FAP: variants seen among roughly 807,000 people sequenced by gnomAD.
FAP encodes fibroblast activation protein alpha.
A neutral mutation model predicts 126.5 loss-of-function variants in FAP; 110 were observed. That is an observed-to-expected ratio of 0.87 (90% CI 0.74 to 1.02). The LOEUF (loss-of-function observed/expected upper bound fraction) is 1.02. Among genes scored for constraint, FAP ranks in the 50% least tolerant of loss-of-function variants. FAP has a pLI of 0.00. For synonymous variants in FAP, 334 were observed against 297.3 expected (o/e 1.12, Z -1.27); for missense variants, 919 against 909.2 (o/e 1.01, Z -0.14).
chr2:162,189,050 C>T, intron 19 of FAP, 53 bp downstream of exon 19: 1 of 1,132,594 alleles, frequency 8.8e-7, no homozygotes, highest in East Asian at 2.4e-5. Flanking sequence ...ATGTGTATTT[C>T]ATCTAACATA....
At chr2:162,193,592 T>G (rs923295116) in intron 17 of FAP, 10 of 152,142 alleles carry the variant, frequency 6.6e-5, no homozygotes, top group Non-Finnish European at 2.9e-5. Context: ...CAAAACCTTG[T>G]CGACTTGAAA....
At chr2:162,235,700 C>T (rs533598544) in intron 2 of FAP, among the ~76,000 whole-genome samples, 1 of 152,280 alleles carries the variant, frequency 6.6e-6, no homozygotes, top group Admixed American at 6.5e-5. Context: ...GAGAATAAAG[C>T]AGGCTGCCTG....
chr2:162,206,858 A>G (rs1688717480), intron 12 of FAP, among the ~76,000 whole-genome samples: 1 of 152,188 alleles, frequency 6.6e-6, no homozygotes, highest in African/African-American at 2.4e-5. Flanking sequence ...CAGGAAACCT[A>G]TTTTCTAGTT....
chr2:162,209,844 T>C (rs1290121119), intron 12 of FAP, 108 bp downstream of exon 12: 5 of 950,624 alleles, frequency 5.3e-6, no homozygotes, highest in Non-Finnish European at 5.0e-6. Context: ...TGCTACTTTT[T>C]CTATGAAAAT....
intron 21 of FAP, among the ~76,000 whole-genome samples, chr2:162,178,892 A>C (rs931332717): frequency 6.6e-6 from 1 of 152,186 alleles, no homozygotes; most frequent in African/African-American, 2.4e-5. Context: ...TCTCTTTTCC[A>C]TCTCCAATTT....
In FAP at chr2:162,178,699, C is replaced by T. The variant is rs1160112321; in HGVS notation, c.1870-3733G>A. 4.0e-5 allele frequency among the ~76,000 whole-genome samples: 6 copies of T among 151,592 alleles called. No homozygotes were observed. The South Asian group carries it at 1.0e-3, about 26-fold the overall frequency. On this transcript the variant is annotated intron_variant, in intron 21 of 25. Transcript: ENST00000188790. ...GGGTTTATTCCCCATTTCTTGAACT[C>T]GATAATGGAGAGTAATGTGGGATTT...
At chr2:162,233,114 C>T (rs890343248) in intron 2 of FAP, among the ~76,000 whole-genome samples, 5 of 152,188 alleles carry the variant, frequency 3.3e-5, no homozygotes, top group Admixed American at 1.3e-4. Context: ...ACTCCAGACA[C>T]GTACATTAAA....
intron 6 of FAP, 69 bp downstream of exon 6, chr2:162,223,539 A>G: frequency 1.9e-6 from 2 of 1,026,112 alleles, no homozygotes; most frequent in Non-Finnish European, 1.5e-6. Context: ...TTAACCCCAA[A>G]TCATAGTTTG....
chr2:162,218,327 T>C (rs564176652), intron 8 of FAP, among the ~76,000 whole-genome samples, 187 bp from the exon 9 acceptor site: 49 of 152,286 alleles, frequency 3.2e-4, no homozygotes, highest in African/African-American at 1.2e-3. Flanking sequence ...TTTCACTCTA[T>C]ATCAAACATC....
rs749140235 is a variant in FAP, at chr2:162,243,337, T to A, written c.-10A>T. ...TTATACTAACCTTCATTTTTCCAGATGTTTTTGAAAGTTAGCTAATTCTGT... is the reference window on the plus strand; with the variant it reads ...TTATACTAACCTTCATTTTTCCAGAAGTTTTTGAAAGTTAGCTAATTCTGT... On this transcript the variant is annotated 5_prime_UTR_variant, in exon 1 of 26. Transcript: ENST00000188790. The A allele has an allele frequency of 1.9e-6, 3 of 1,610,700 alleles. No homozygotes were observed. Among genetic ancestry groups the A allele is most frequent in the East Asian group, 4.5e-5 (2 of 44,804 alleles).
intron 10 of FAP, among the ~76,000 whole-genome samples, chr2:162,214,882 C>T (rs183129547): frequency 6.6e-6 from 1 of 152,142 alleles, no homozygotes; most frequent in East Asian, 1.9e-4. Context: ...CGTGCTTAAA[C>T]CGCTTAAGAA....
chr2:162,235,943 GT>G (rs1051651226), intron 2 of FAP, among the ~76,000 whole-genome samples: 3 of 150,454 alleles, frequency 2.0e-5, no homozygotes, highest in Admixed American at 2.0e-4. Flanking sequence ...GTTAACTATG[GT>G]TTTTTTTTGT....
rs543141946 is a variant in FAP at position 162,194,916 on chromosome 2, T to G, written c.1403-168A>C. The G allele has an allele frequency of 1.7e-5, 11 of 641,730 alleles. No individual in the cohort carries two copies. In the African/African-American group the frequency reaches 1.8e-4, roughly 11 times the overall value. The allele number at this position is 641,730 out of a possible 1,614,324, so 39.8% of individuals were successfully genotyped here. ...AGAAAACATCACTTCTAAGTCACAT[T>G]TAAACAATACATGAGATCAAAGCCC... On this transcript the variant is annotated intron_variant, in intron 16 of 25. Transcript: ENST00000188790.
At chr2:162,218,387 T>A (rs1401527402) in intron 8 of FAP, among the ~76,000 whole-genome samples, 1 of 152,152 alleles carries the variant, frequency 6.6e-6, no homozygotes, top group Admixed American at 6.5e-5. Context: ...ATTTTTTAAA[T>A]AAATAATAAA....
chr2:162,188,219 C>G lies in FAP; in HGVS notation c.1764G>C (p.Val588=). The G allele has an allele frequency of 6.2e-7, 1 of 1,613,170 alleles. No individual in the cohort carries two copies. Among genetic ancestry groups the G allele is most frequent in the Non-Finnish European group, 8.5e-7 (1 of 1,179,382 alleles). Residue 588 remains valine, a synonymous_variant, in exon 20 of 26, where the codon GTG becomes GTC. Transcript: ENST00000188790. The part of the protein sequence containing the change: ...AFQGDKLLYA[V]YRKLGVYEVE... Reference sequence around the variant, plus strand: ...CTTCATAAACACCCAGCTTTCGATACACTGCATAGAGGAGTTTGTCACCTT... The same window carrying G: ...CTTCATAAACACCCAGCTTTCGATAGACTGCATAGAGGAGTTTGTCACCTT...
chr2:162,229,827 A>G (rs990251235), intron 2 of FAP, among the ~76,000 whole-genome samples: 3 of 149,540 alleles, frequency 2.0e-5, no homozygotes, highest in Admixed American at 6.7e-5. Context: ...TATAAATGCC[A>G]ACAATCGATA....
chr2:162,210,628 G>C (rs951787285), intron 11 of FAP, among the ~76,000 whole-genome samples: 9 of 152,070 alleles, frequency 5.9e-5, no homozygotes, highest in South Asian at 2.1e-4. Flanking sequence ...CAAGATTTTG[G>C]AGAAACTTTA....
At chr2:162,192,076 C>T (rs1688068230) in intron 17 of FAP, among the ~76,000 whole-genome samples, 1 of 152,128 alleles carries the variant, frequency 6.6e-6, no homozygotes, top group Non-Finnish European at 1.5e-5. Flanking sequence ...CACATCCACT[C>T]ATACTCAAAT....
intron 2 of FAP, 45 bp from the exon 3 acceptor site, chr2:162,226,666 C>G: frequency 9.6e-7 from 1 of 1,038,230 alleles, no homozygotes; most frequent in Non-Finnish European, 1.5e-6. Context: ...AGAAGGTTAA[C>G]AACTCAAATA....
Sources: gnomAD v4.1 joint callset for allele counts (sites outside exome capture counted in the v4.1 genomes callset) on GRCh38, gnomAD v4.1.1 for gene constraint, MANE v1.5 for transcripts, NCBI Gene and HGNC (gene_info 2026-07-23, HGNC 2026-07-21) for gene names.